The following SORCS2 variants were observed in gnomAD, a reference collection of about 807,000 sequenced individuals.
The protein encoded by SORCS2 is VPS10 domain-containing receptor SorCS2.
Under a neutral mutation model 141.6 loss-of-function variants are expected in SORCS2, and 100 were observed. That is an observed-to-expected ratio of 0.71 (90% confidence interval 0.60 to 0.83). The LOEUF (loss-of-function observed/expected upper bound fraction) is 0.83, where lower values mean the gene tolerates loss of function less well. Among genes scored for constraint, SORCS2 ranks in the 40% least tolerant of loss-of-function variants. SORCS2 has a pLI of 0.00. For missense variants in SORCS2, 1,646 were observed against 1,560.2 expected, an observed-to-expected ratio of 1.05 and a Z score of -0.93; for synonymous variants, 789 against 676.9, an observed-to-expected ratio of 1.17 and a Z score of -2.57.
At chr4:7,536,451 G>T (rs1712130577) in intron 3 of SORCS2, among the ~76,000 whole-genome samples, 1 of 152,346 alleles carries the variant, frequency 6.6e-6, no homozygotes, top group East Asian at 1.9e-4. Flanking sequence ...CAAGTAAGGA[G>T]TGGGGCAAGC....
At chr4:7,349,030 T>G (rs559302613) in intron 1 of SORCS2, among the ~76,000 whole-genome samples, 10 of 152,296 alleles carry the variant, frequency 6.6e-5, no homozygotes, top group African/African-American at 2.4e-4. Flanking sequence ...ATACACTTAT[T>G]TGACATTGAT....
chr4:7,585,697 C>A (rs4689788), intron 3 of SORCS2, among the ~76,000 whole-genome samples: 1 of 152,216 alleles, frequency 6.6e-6, no homozygotes, highest in Non-Finnish European at 1.5e-5. Context: ...CTCACAGCCT[C>A]TTCCATCCTT....
intron 1 of SORCS2, among the ~76,000 whole-genome samples, chr4:7,393,372 A>T (rs933068978): frequency 6.6e-6 from 1 of 152,040 alleles, no homozygotes; most frequent in Admixed American, 6.5e-5. Flanking sequence ...TGTCCCGGGG[A>T]TATTTCATTT....
chr4:7,405,522 T>G (rs1186786888), intron 2 of SORCS2, among the ~76,000 whole-genome samples: 1 of 152,158 alleles, frequency 6.6e-6, no homozygotes, highest in Admixed American at 6.5e-5. Context: ...CTACAATTTC[T>G]AAGGAGGCGT....
intron 3 of SORCS2, among the ~76,000 whole-genome samples, chr4:7,617,289 C>T (rs1192231492): frequency 6.6e-6 from 1 of 152,138 alleles, no homozygotes; most frequent in Non-Finnish European, 1.5e-5. Context: ...ATCCATCCAC[C>T]CACCTATCCA....
At chr4:7,449,736 C>T (rs1728321604) in intron 2 of SORCS2, among the ~76,000 whole-genome samples, 1 of 152,090 alleles carries the variant, frequency 6.6e-6, no homozygotes, top group South Asian at 2.1e-4. Flanking sequence ...AAGACAGAGT[C>T]TGTGCTGTCT....
chr4:7,723,968 G>A, intron 19 of SORCS2, 85 bp downstream of exon 19: 6 of 1,426,888 alleles, frequency 4.2e-6, no homozygotes, highest in Admixed American at 2.6e-5. Context: ...GGAAGCCCCC[G>A]GGATTGCTCT....
chr4:7,515,176 T>C (rs1732894662), intron 2 of SORCS2, among the ~76,000 whole-genome samples: 1 of 152,058 alleles, frequency 6.6e-6, no homozygotes, highest in African/African-American at 2.4e-5. Context: ...GAGGCGTGGC[T>C]CCCTCCTCTG....
At chr4:7,327,173 A>G (rs1164426454) in intron 1 of SORCS2, among the ~76,000 whole-genome samples, 4 of 152,226 alleles carry the variant, frequency 2.6e-5, no homozygotes, top group Non-Finnish European at 4.4e-5. Flanking sequence ...GGCGTCAAAC[A>G]ACAGAAATGC....
intron 3 of SORCS2, among the ~76,000 whole-genome samples, chr4:7,598,651 T>G (rs913818446): frequency 3.9e-5 from 6 of 152,190 alleles, no homozygotes; most frequent in African/African-American, 1.4e-4. Flanking sequence ...TCGCTTGTGC[T>G]TTTCTGCCAT....
intron 3 of SORCS2, among the ~76,000 whole-genome samples, chr4:7,545,767 T>G (rs1173372683): frequency 2.6e-5 from 4 of 152,228 alleles, no homozygotes; most frequent in Non-Finnish European, 4.4e-5. Flanking sequence ...AAGTAAACCT[T>G]CTGCTGCCTC....
intron 5 of SORCS2, among the ~76,000 whole-genome samples, chr4:7,656,582 G>T (rs550912984): frequency 5.3e-4 from 80 of 152,356 alleles, no homozygotes; most frequent in Non-Finnish European, 9.3e-4. Flanking sequence ...CCCAAGCTGT[G>T]GCCCTGAGAC....
rs115831185 is a variant in SORCS2, at chr4:7,217,445, G to T, written c.480+24319G>T. ...GGCTCGTGGCCTCTGGGTCCATCCT[G>T]CCTGCTGGTTCCAGGGGCCAGAGCC... On this transcript the variant is annotated intron_variant, in intron 1 of 26. Transcript: ENST00000507866. Among the ~76,000 whole-genome samples, 146 of 152,300 alleles carry T rather than the reference G, an allele frequency of 9.6e-4. 1 individual carries two copies. Among genetic ancestry groups the T allele is most frequent in the African/African-American group, 3.3e-3 (138 of 41,558 alleles).
chr4:7,673,168 T>C (rs1722893716), intron 8 of SORCS2, among the ~76,000 whole-genome samples: 1 of 152,242 alleles, frequency 6.6e-6, no homozygotes, highest in South Asian at 2.1e-4. Context: ...TAAAAGACCA[T>C]TCTCAATATT....
chr4:7,605,165 G>A (rs1448170587), intron 3 of SORCS2, among the ~76,000 whole-genome samples: 2 of 152,180 alleles, frequency 1.3e-5, no homozygotes, highest in Non-Finnish European at 2.9e-5. Context: ...CTTCCAACAA[G>A]GTCCAGAGTA....
chr4:7,411,488 TTCTA>T (rs1476691135), intron 2 of SORCS2, among the ~76,000 whole-genome samples: 3 of 151,994 alleles, frequency 2.0e-5, no homozygotes, highest in Admixed American at 6.6e-5. Context: ...CTCTCCTCAT[TTCTA>T]TCCACCCTTC....
At chr4:7,624,116 C>G (rs1489076978) in intron 3 of SORCS2, among the ~76,000 whole-genome samples, 1 of 152,236 alleles carries the variant, frequency 6.6e-6, no homozygotes, top group African/African-American at 2.4e-5. Flanking sequence ...ATGCTATGCA[C>G]AACTATTTGT....
At chr4:7,390,523 C>A (rs1014202495) in intron 1 of SORCS2, among the ~76,000 whole-genome samples, 3 of 152,216 alleles carry the variant, frequency 2.0e-5, no homozygotes, top group Non-Finnish European at 2.9e-5. Context: ...TTCAGGCTGG[C>A]TCAGAAAACC....
At chr4:7,349,559 C>T (rs1464515178) in intron 1 of SORCS2, among the ~76,000 whole-genome samples, 1 of 152,098 alleles carries the variant, frequency 6.6e-6, no homozygotes, top group Non-Finnish European at 1.5e-5. Context: ...AAAGAGCAGT[C>T]AAGCAGGGTC....
Sources: gnomAD v4.1 joint callset for allele counts (sites outside exome capture counted in the v4.1 genomes callset) on GRCh38, gnomAD v4.1.1 for gene constraint, MANE v1.5 for transcripts, NCBI Gene and HGNC (gene_info 2026-07-23, HGNC 2026-07-21) for gene names.